Variants in LOXHD1 observed in about 807,000 individuals in gnomAD.
LOXHD1 encodes lipoxygenase homology domain-containing protein 1.
A neutral mutation model predicts 248.2 loss-of-function variants in LOXHD1; 205 were observed. The observed-to-expected ratio is 0.83, with a 90% CI of 0.74 to 0.93. The LOEUF (loss-of-function observed/expected upper bound fraction) is 0.93, where lower values mean the gene tolerates loss of function less well. LOXHD1 is among the 40% of genes least tolerant of loss of function. LOXHD1 has a pLI of 0.00. For synonymous variants in LOXHD1, 1,113 were observed against 1,162.8 expected, an observed-to-expected ratio of 0.96 and a Z score of 0.87; for missense variants, 2,930 against 2,971.6, an observed-to-expected ratio of 0.99 and a Z score of 0.33.
At chr18:46,534,635 T>A (rs917679596) in intron 26 of LOXHD1, among the ~76,000 whole-genome samples, 184 bp from the exon 27 acceptor site, 3 of 152,332 alleles carry the variant, frequency 2.0e-5, no homozygotes, top group Middle Eastern at 6.8e-3. Flanking sequence ...TTATGCCTCA[T>A]GTCCCCTCTC....
intron 38 of LOXHD1, among the ~76,000 whole-genome samples, chr18:46,486,998 C>T (rs1416498001): frequency 6.6e-6 from 1 of 152,188 alleles, no homozygotes; most frequent in African/African-American, 2.4e-5. Context: ...CAACTTTGTT[C>T]ACAGGTTGCT....
intron 8 of LOXHD1, among the ~76,000 whole-genome samples, chr18:46,597,812 A>G (rs1034812402): frequency 6.6e-5 from 10 of 151,238 alleles, no homozygotes; most frequent in Admixed American, 1.3e-4. Flanking sequence ...GCTGGAGCGC[A>G]GTGGCGCAAT....
At chr18:46,583,589 A>T (rs905948266) in intron 12 of LOXHD1, among the ~76,000 whole-genome samples, 1 of 152,122 alleles carries the variant, frequency 6.6e-6, no homozygotes, top group East Asian at 1.9e-4. Flanking sequence ...TGAAAAAAAA[A>T]GTTCAACATC....
chr18:46,509,868 T>C lies in LOXHD1; in HGVS notation c.5400-53A>G, dbSNP rs961309782. ...AAGGGAAGCTGGCCATTGGGGAGGG[T>C]TGGGGTGGGCCAGGCCAGAGGCCAG... On this transcript the variant is annotated intron_variant, in intron 34 of 40. Transcript: ENST00000642948. 1.8e-5 allele frequency: 20 copies of C among 1,091,098 alleles called. No individual in the cohort carries two copies. In the African/African-American group the frequency reaches 3.0e-4, roughly 17 times the overall value. The allele number at this position is 1,091,098 out of a possible 1,614,324, so 67.6% of individuals were successfully genotyped here.
At chr18:46,652,318 T>G (rs1319277789) in intron 1 of LOXHD1, among the ~76,000 whole-genome samples, 1 of 152,204 alleles carries the variant, frequency 6.6e-6, no homozygotes, top group African/African-American at 2.4e-5. Flanking sequence ...TGCAAGAATG[T>G]AGAACTCACC....
In LOXHD1 at chr18:46,572,052, G is replaced by T. The variant is rs898559730; in HGVS notation, c.2047+34C>A. The T allele has an allele frequency of 3.9e-6, 6 of 1,538,692 alleles. No individual in the cohort carries two copies. The African/African-American group carries it at 6.9e-5, about 18-fold the overall frequency. On this transcript the variant is annotated intron_variant, in intron 15 of 40. Coordinates refer to ENST00000642948, the MANE Select transcript of LOXHD1 (RefSeq NM_001384474.1). Reference sequence around the variant, plus strand: ...AGGGAAGGCCCCTGTCTCACCAAGGGCACACCCAGCACCTGGTCATCAGGA... The same window carrying T: ...AGGGAAGGCCCCTGTCTCACCAAGGTCACACCCAGCACCTGGTCATCAGGA...
chr18:46,523,707 A>G (rs991630531), intron 31 of LOXHD1, among the ~76,000 whole-genome samples: 12 of 151,822 alleles, frequency 7.9e-5, no homozygotes, highest in African/African-American at 2.9e-4. Context: ...TTACTTGCAC[A>G]TGGCCTTATT....
intron 38 of LOXHD1, among the ~76,000 whole-genome samples, chr18:46,488,190 G>A (rs183287281): frequency 1.3e-5 from 2 of 152,290 alleles, no homozygotes; most frequent in Admixed American, 6.5e-5. Flanking sequence ...GCTGCAGAGA[G>A]GAAGACATTG....
chr18:46,534,122 A>C (rs1256600605), intron 27 of LOXHD1, among the ~76,000 whole-genome samples: 6 of 151,864 alleles, frequency 4.0e-5, no homozygotes, highest in Admixed American at 2.6e-4. Context: ...ACATGCCCAG[A>C]CCCTCCTCCT....
In LOXHD1 at chr18:46,525,031, T is replaced by G. The variant is rs1023487324; in HGVS notation, c.4531-114A>C. The G allele has an allele frequency of 2.4e-6, 3 of 1,248,776 alleles. No homozygotes were observed. In the African/African-American group the frequency reaches 4.5e-5, roughly 19 times the overall value. The allele number at this position is 1,248,776 out of a possible 1,614,324, so 77.4% of individuals were successfully genotyped here. A position where few individuals can be genotyped will look rare whatever the true frequency, so the allele number is the denominator to read the frequency against. ...CTCAGTTGCTGCACTGAACAGACCT[T>G]CTTTGCTGGGGAGCCCTCCAGGCCC... On this transcript the variant is annotated intron_variant, in intron 29 of 40. Transcript: ENST00000642948.
At chr18:46,514,687 G>A (rs1306310479) in intron 34 of LOXHD1, among the ~76,000 whole-genome samples, 1 of 152,076 alleles carries the variant, frequency 6.6e-6, no homozygotes, top group Non-Finnish European at 1.5e-5. Context: ...TTGTACTAAG[G>A]GTTAGTGAAA....
intron 13 of LOXHD1, among the ~76,000 whole-genome samples, chr18:46,578,351 C>G (rs1355500380): frequency 6.6e-6 from 1 of 152,112 alleles, no homozygotes; most frequent in Non-Finnish European, 1.5e-5. Context: ...TGGGAGCCTT[C>G]AGGGACAGAA....
rs1233113215 is a variant in LOXHD1, at chr18:46,560,405, C to G, written c.2739G>C (p.Glu913Asp). 1.3e-6 allele frequency: 2 copies of G among 1,550,306 alleles called. No homozygotes were observed. Among genetic ancestry groups the G allele is most frequent in the Admixed American group, 2.0e-5 (1 of 51,060 alleles). The change falls in exon 19 of 41, where the codon GAG becomes GAC. Residue 913 changes from glutamate to aspartate, a missense_variant. Glu to Asp is a conservative substitution (Grantham distance 45). Coordinates refer to ENST00000642948, the MANE Select transcript of LOXHD1 (RefSeq NM_001384474.1). ...TGTCCTTCTCCTTCTTCTTCCGGGC[C>G]TCCTCCTCCGGCGTGAGGTCCACCT... ...VREVDLTPEE[E>D]ARKKKEKDKL... is the part of the protein sequence containing the mutation.
At chr18:46,484,972 C>T (rs1419577555) in intron 39 of LOXHD1, 47 bp downstream of exon 39, 7 of 1,542,022 alleles carry the variant, frequency 4.5e-6, no homozygotes, top group Non-Finnish European at 6.1e-6. Flanking sequence ...GGGGTCCTCC[C>T]TTACCTACCC....
rs2038331858 is a variant in LOXHD1, at chr18:46,601,233, C to T, written c.1118G>A (p.Gly373Asp). 3 of 1,551,482 alleles carry T rather than the reference C, an allele frequency of 1.9e-6. No homozygotes were observed. Among genetic ancestry groups the T allele is most frequent in the Non-Finnish European group, 2.6e-6 (3 of 1,146,826 alleles). ...VGHGNVGVNRGWFCEKVVILC... is the reference protein window; with the variant it reads ...VGHGNVGVNRDWFCEKVVILC... The stretch of plus-strand genomic sequence containing the variant: ...ATCCCTTACCTTCTCACAGAACCAG[C>T]CTCTGTTGACACCCACATTGCCATG... Residue 373 changes from glycine to aspartate, a missense_variant, in exon 8 of 41, where the codon GGC becomes GAC. Transcript: ENST00000642948.
chr18:46,478,052 TTCCCAAGGTGATG>T, intron 40 of LOXHD1, 100 bp from the exon 41 acceptor site: 1 of 1,402,296 alleles, frequency 7.1e-7, no homozygotes, highest in Non-Finnish European at 9.5e-7. Flanking sequence ...AAATGATCCC[TTCCCAAGGTGATG>T]GGATATTGGA....
chr18:46,551,021 C>T (rs2037076384), intron 21 of LOXHD1, among the ~76,000 whole-genome samples: 2 of 152,272 alleles, frequency 1.3e-5, no homozygotes, highest in South Asian at 2.1e-4. Context: ...GAATTGAAAG[C>T]CATTGTCTCC....
Position 46,617,477 on chromosome 18 carries a change from A to T in LOXHD1, c.610+715T>A, listed in dbSNP as rs553420823. 2.0e-5 allele frequency among the ~76,000 whole-genome samples: 3 copies of T among 151,952 alleles called. No homozygotes were observed. In the South Asian group the frequency reaches 6.2e-4, roughly 32 times the overall value. ...CTTCCAGGAGCCACCACATCTATTC[A>T]TAGTTAACACTTTGGTTTTGAATTC... On this transcript the variant is annotated intron_variant, in intron 5 of 40. Transcript: ENST00000642948.
intron 4 of LOXHD1, among the ~76,000 whole-genome samples, chr18:46,625,735 T>C (rs1049588073): frequency 3.3e-5 from 5 of 152,128 alleles, no homozygotes; most frequent in African/African-American, 7.2e-5. Flanking sequence ...TAGATCAGCT[T>C]CCACTCCTTC....
Sources: gnomAD v4.1 joint callset for allele counts (sites outside exome capture counted in the v4.1 genomes callset) on GRCh38, gnomAD v4.1.1 for gene constraint, MANE v1.5 for transcripts, NCBI Gene and HGNC (gene_info 2026-07-23, HGNC 2026-07-21) for gene names.